The following GLS variants were observed in gnomAD, a reference collection of about 807,000 sequenced individuals.
The protein encoded by GLS is glutaminase kidney isoform, mitochondrial.
GLS carries 36 observed loss-of-function variants against 86.7 expected under a neutral mutation model. That is an observed-to-expected ratio of 0.42 (90% CI 0.32 to 0.55). The LOEUF is 0.55. Among genes scored for constraint, GLS ranks in the 20% least tolerant of loss-of-function variants. The pLI is 0.17. For synonymous variants in GLS, 317 were observed against 305.9 expected (o/e 1.04, Z -0.38); for missense variants, 528 against 833.4 (o/e 0.63, Z 4.51).
At position 190,914,731 on chromosome 2, in the gene GLS, A is replaced by G. The variant is rs1689471489; in HGVS notation, c.1038+4410A>G. 6.6e-6 allele frequency among the ~76,000 whole-genome samples: 1 copy of G among 152,150 alleles called. No individual in the cohort carries two copies. Among genetic ancestry groups the G allele is most frequent in the African/African-American group, 2.4e-5 (1 of 41,444 alleles). ...CTTTATGAATGGAATCAAGTGCGAT[A>G]CTTACAAAATAACTCTGATGCATTG... On this transcript the variant is annotated intron_variant, in intron 7 of 17. Transcript: ENST00000320717. This position sits in a 1 kb window ranked among gnomAD's most constrained non-coding sequence, Gnocchi z 4.4.
In GLS at chr2:190,949,944, A is replaced by G. The variant is rs1198754333; in HGVS notation, c.1651-3621A>G. On this transcript the variant is annotated intron_variant, in intron 14 of 17. Transcript: ENST00000320717. This position sits in a 1 kb window ranked among gnomAD's most constrained non-coding sequence, Gnocchi z 4.0. Reference sequence around the variant, plus strand: ...ATATATAAAAATATATATACTTTATATATAGTTATATATAACAAATATAGT... The same window carrying G: ...ATATATAAAAATATATATACTTTATGTATAGTTATATATAACAAATATAGT... 6.7e-6 allele frequency among the ~76,000 whole-genome samples: 1 copy of G among 149,926 alleles called. No individual in the cohort carries two copies. The highest frequency in any genetic ancestry group is 1.5e-5 in the Non-Finnish European group (1 of 67,598).
At chr2:190,948,728 C>T (rs1316041311) in intron 14 of GLS, among the ~76,000 whole-genome samples, 1 of 152,088 alleles carries the variant, frequency 6.6e-6, no homozygotes, top group Non-Finnish European at 1.5e-5. Flanking sequence ...GTTATAGTGC[C>T]ATAGTGCAGC....
At chr2:190,898,093 T>C (rs190473044) in intron 3 of GLS, among the ~76,000 whole-genome samples, 4 of 152,336 alleles carry the variant, frequency 2.6e-5, no homozygotes, top group Admixed American at 6.5e-5. Context: ...TTTAACTTTA[T>C]AGGTATTAAA....
At chr2:190,900,135 A>G (rs1574572084) in intron 3 of GLS, among the ~76,000 whole-genome samples, 1 of 152,168 alleles carries the variant, frequency 6.6e-6, no homozygotes, top group Non-Finnish European at 1.5e-5. Context: ...ATGAAATGCT[A>G]GTAATAGTTA....
At chr2:190,942,066 A>ATTTTTTTTTT (rs1160472609) in intron 14 of GLS, among the ~76,000 whole-genome samples, 4 of 50,724 alleles carry the variant, frequency 7.9e-5, no homozygotes, top group Non-Finnish European at 1.6e-4. Context: ...AACTTTGAAG[A>ATTTTTTTTTT]CTTTTTTTTT....
At chr2:190,894,098 G>A (rs1365274501) in intron 1 of GLS, among the ~76,000 whole-genome samples, 1 of 152,134 alleles carries the variant, frequency 6.6e-6, no homozygotes, top group South Asian at 2.1e-4. Flanking sequence ...TATTGGTAAC[G>A]TTTTTCTTTT....
intron 14 of GLS, among the ~76,000 whole-genome samples, chr2:190,952,994 C>T (rs1272967791): frequency 6.6e-6 from 1 of 152,112 alleles, no homozygotes; most frequent in Non-Finnish European, 1.5e-5. Context: ...ACAGCAGTGT[C>T]ATAAGTTCTG....
In GLS at chr2:190,930,559, C is replaced by T; in HGVS notation, c.1548C>T (p.His516=). The change falls in exon 13 of 18, where the codon CAC becomes CAT. Residue 516 remains histidine, a synonymous_variant. Transcript: ENST00000320717. This position sits in a 1 kb window ranked among gnomAD's most constrained non-coding sequence, Gnocchi z 5.0. The part of the protein sequence containing the change: ...DKMGNSVKGI[H]FCHDLVSLCN... ...TGGGCAACAGTGTTAAGGGAATTCA[C>T]TTTTGTCACGTAAGCATATTTTCTT... The T allele has an allele frequency of 6.2e-7, 1 of 1,608,952 alleles. No homozygotes were observed. The highest frequency in any genetic ancestry group is 8.5e-7 in the Non-Finnish European group (1 of 1,177,904).
At chr2:190,900,507 C>T in intron 3 of GLS, 57 bp from the exon 4 acceptor site, 13 of 958,926 alleles carry the variant, frequency 1.4e-5, no homozygotes, top group South Asian at 5.5e-5. Context: ...CTGTTATTAC[C>T]AAGTTCTGAT....
chr2:190,929,011 A>C (rs1690006786), intron 12 of GLS, among the ~76,000 whole-genome samples: 1 of 149,368 alleles, frequency 6.7e-6, no homozygotes, highest in African/African-American at 2.5e-5. Flanking sequence ...TTTGAGACAG[A>C]GTCTCACTGT....
At chr2:190,932,573 G>C (rs200129753) in intron 14 of GLS, 12 of 495,300 alleles carry the variant, frequency 2.4e-5, no homozygotes, top group Admixed American at 8.5e-5. Flanking sequence ...GAGTCGACCT[G>C]AGTAACATGA....
Position 190,910,296 on chromosome 2 carries a change from C to A in GLS, c.1013C>A (p.Ala338Glu). The part of the protein sequence containing the change: ...KPHNPMVNAG[A>E]IVVTSLIKQG... Reference sequence around the variant, plus strand: ...CATAATCCTATGGTAAATGCTGGAGCAATTGTTGTGACTTCACTAATAAAG... The same window carrying A: ...CATAATCCTATGGTAAATGCTGGAGAAATTGTTGTGACTTCACTAATAAAG... Residue 338 changes from alanine (A) to glutamate (E), a missense_variant, in exon 7 of 18, where the codon GCA becomes GAA. By Grantham distance (107) the Ala-to-Glu change is moderately radical (BLOSUM62 -1). Transcript: ENST00000320717. The A allele has an allele frequency of 6.4e-7, 1 of 1,572,974 alleles. No individual in the cohort carries two copies. Among genetic ancestry groups the A allele is most frequent in the Non-Finnish European group, 8.7e-7 (1 of 1,150,428 alleles).
intron 6 of GLS, among the ~76,000 whole-genome samples, chr2:190,908,438 T>G (rs1490600696): frequency 2.6e-5 from 4 of 152,216 alleles, no homozygotes; most frequent in African/African-American, 9.7e-5. Flanking sequence ...AAATAAATAC[T>G]TGTTAAAATT....
chr2:190,958,455 T>G (rs1690915648), intron 17 of GLS, among the ~76,000 whole-genome samples: 1 of 152,186 alleles, frequency 6.6e-6, no homozygotes, highest in African/African-American at 2.4e-5. Context: ...TCCTGTCTTC[T>G]GCTGGCTTTT....
intron 14 of GLS, among the ~76,000 whole-genome samples, chr2:190,937,059 G>A (rs1230654460): frequency 1.3e-5 from 2 of 151,328 alleles, no homozygotes; most frequent in African/African-American, 2.4e-5. Context: ...TTGTTACCAT[G>A]CATGATGGCC....
rs1345612864 is a variant in GLS at position 190,949,011 on chromosome 2, GA to G, written c.1651-4552del. ...GAATGCTGGGCTGGGATGGCCTGGG[GA>G]AGACTGACAGCAAGGAAGGGACTTT... On this transcript the variant is annotated intron_variant, in intron 14 of 17. Coordinates refer to ENST00000320717, the MANE Select transcript of GLS (RefSeq NM_014905.5). This position sits in a 1 kb window ranked among gnomAD's most constrained non-coding sequence, Gnocchi z 4.0. Among the ~76,000 whole-genome samples, 1 of 152,122 alleles carries G rather than the reference GA, an allele frequency of 6.6e-6. No homozygotes were observed. Among genetic ancestry groups the G allele is most frequent in the African/African-American group, 2.4e-5 (1 of 41,434 alleles).
At chr2:190,934,369 T>C in intron 14 of GLS, 1 of 961,708 alleles carries the variant, frequency 1.0e-6, no homozygotes, top group Non-Finnish European at 1.2e-6. Context: ...CCAAAAAGCC[T>C]TTTGGGCTAA....
At chr2:190,899,952 AAAT>A (rs1488129739) in intron 3 of GLS, among the ~76,000 whole-genome samples, 1 of 152,042 alleles carries the variant, frequency 6.6e-6, no homozygotes, top group Non-Finnish European at 1.5e-5. Flanking sequence ...TTGGTGACTC[AAAT>A]AATATAAAAT....
At chr2:190,917,734 A>T (rs4853529) in intron 7 of GLS, among the ~76,000 whole-genome samples, 2 of 152,170 alleles carry the variant, frequency 1.3e-5, no homozygotes, top group South Asian at 4.2e-4. Flanking sequence ...GTACGTCTCT[A>T]TCAGAACTCT....
Sources: allele counts gnomAD v4.1 joint callset (sites outside exome capture counted in the v4.1 genomes callset), GRCh38; gene constraint gnomAD v4.1.1; non-coding constraint Gnocchi (gnomAD v3.1); transcripts MANE v1.5; gene names NCBI Gene and HGNC (gene_info 2026-07-23, HGNC 2026-07-21).